ALDH4A1: variants seen among roughly 807,000 people sequenced by gnomAD.
ALDH4A1 encodes the protein aldehyde dehydrogenase 4 family member A1.
A neutral mutation model predicts 70.5 loss-of-function variants in ALDH4A1; 46 were observed. The ratio of observed to expected loss-of-function variants is 0.65; its 90% CI spans 0.51 to 0.83. ALDH4A1 has a LOEUF of 0.83. Among genes scored for constraint, ALDH4A1 ranks in the 40% least tolerant of loss-of-function variants. ALDH4A1 has a pLI of 0.00. For missense variants in ALDH4A1, 749 were observed against 766.5 expected, an observed-to-expected ratio of 0.98 and a Z score of 0.27; for synonymous variants, 323 against 324.3, an observed-to-expected ratio of 1.00 and a Z score of 0.04.
rs116013831 is a variant in ALDH4A1, at chr1:18,896,402, T to A, written c.62+6060A>T. On this transcript the variant is annotated intron_variant, in intron 1 of 14. Transcript: ENST00000375341. ...GGGGCTGGACACTGGCCCCTTGGGT[T>A]CCCCAGTGGCTAAGGTGAGGGGTGG... Among the ~76,000 whole-genome samples, 554 of 152,322 alleles carry A rather than the reference T, an allele frequency of 3.6e-3. 2 individuals carry two copies. Among genetic ancestry groups the A allele is most frequent in the Admixed American group, 6.5e-3 (100 of 15,308 alleles).
chr1:18,902,115 C>T (rs891436040), intron 1 of ALDH4A1, among the ~76,000 whole-genome samples: 3 of 152,076 alleles, frequency 2.0e-5, no homozygotes, highest in African/African-American at 7.2e-5. Flanking sequence ...GGGAAGCCAG[C>T]AAATTGCGAA....
intron 5 of ALDH4A1, among the ~76,000 whole-genome samples, chr1:18,885,080 C>A (rs1935139000): frequency 6.6e-6 from 1 of 152,022 alleles, no homozygotes; most frequent in Non-Finnish European, 1.5e-5. Flanking sequence ...GTGGAGAGGT[C>A]TGGGTGGGTC....
intron 13 of ALDH4A1, 67 bp from the exon 14 acceptor site, chr1:18,874,648 A>T: frequency 6.7e-7 from 1 of 1,488,544 alleles, no homozygotes; most frequent in Non-Finnish European, 9.4e-7. Context: ...CTCCAGCCTC[A>T]ACACCCCTGC....
intron 13 of ALDH4A1, 71 bp from the exon 14 acceptor site, chr1:18,874,652 C>G (rs28758607): frequency 0.027 from 39,256 of 1,461,974 alleles, 1,362 homozygotes; most frequent in African/African-American, 0.16. Flanking sequence ...AGCCTCAACA[C>G]CCCTGCTCCA....
At chr1:18,899,537 G>GA (rs544006851) in intron 1 of ALDH4A1, among the ~76,000 whole-genome samples, 1 of 151,938 alleles carries the variant, frequency 6.6e-6, no homozygotes, top group Non-Finnish European at 1.5e-5. Context: ...AGTTGATTGA[G>GA]AAAAAAACAG....
chr1:18,886,376 C>T, intron 4 of ALDH4A1, 88 bp downstream of exon 4: 1 of 1,470,944 alleles, frequency 6.8e-7, no homozygotes, highest in East Asian at 2.3e-5. Flanking sequence ...CAACTGATGC[C>T]CCCTGCCCCC....
intron 1 of ALDH4A1, among the ~76,000 whole-genome samples, chr1:18,894,770 C>G (rs911512856): frequency 1.3e-5 from 2 of 151,824 alleles, no homozygotes; most frequent in Non-Finnish European, 2.9e-5. Context: ...GCCTGGAGAA[C>G]AGACACTAGT....
chr1:18,875,465 C>A lies in ALDH4A1; in HGVS notation c.1377G>T (p.Pro459=), dbSNP rs146222625. 1.9e-6 allele frequency: 3 copies of A among 1,614,016 alleles called. No individual in the cohort carries two copies. In the African/African-American group the frequency reaches 4.0e-5, roughly 22 times the overall value. ...GCAGCGTCTCCTTGTACTTGTCATC[C>A]GGGTAGACGTACACAGACAGTACAG... ...FGPVLSVYVY[P]DDKYKETLQL... The change falls in exon 13 of 15, where the codon CCG becomes CCT. Residue 459 remains proline, a synonymous_variant. Coordinates refer to ENST00000375341, the MANE Select transcript of ALDH4A1 (RefSeq NM_003748.4).
chr1:18,885,427 T>TACCACCCCCCCCCCCCCCCCCCC, intron 5 of ALDH4A1, 46 bp downstream of exon 5: 2 of 650,922 alleles, frequency 3.1e-6, no homozygotes. Context: ...CACACCTGAC[T>TACCACCCCCCCCCCCCCCCCCCC]CCCACCCCAC....
chr1:18,902,552 G>C lies in ALDH4A1; in HGVS notation c.-29C>G. The C allele has an allele frequency of 6.8e-7, 1 of 1,472,920 alleles. No individual in the cohort carries two copies. Among genetic ancestry groups the C allele is most frequent in the Non-Finnish European group, 9.0e-7 (1 of 1,110,602 alleles). The allele number at this position is 1,472,920 out of a possible 1,614,324, so 91.2% of individuals were successfully genotyped here. On this transcript the variant is annotated 5_prime_UTR_variant, in exon 1 of 15. In the 5' UTR this introduces an upstream ATG that the reference lacks. Coordinates refer to ENST00000375341, the MANE Select transcript of ALDH4A1 (RefSeq NM_003748.4). ...GGGTTAGAAGCGGGGCTGTTCGCTG[G>C]ATCGTCCGCCCGGGCGCGGCGAGAA...
At position 18,892,153 on chromosome 1, in the gene ALDH4A1, G is replaced by A. The variant is rs556327926; in HGVS notation, c.63-2048C>T. On this transcript the variant is annotated intron_variant, in intron 1 of 14. Coordinates refer to ENST00000375341, the MANE Select transcript of ALDH4A1 (RefSeq NM_003748.4). ...TGCCCTATGGGAGACAGACTGGCCC[G>A]GCTATGAGTGTCGGGGGCCAGAAGG... Among the ~76,000 whole-genome samples, 14 of 152,244 alleles carry A rather than the reference G, an allele frequency of 9.2e-5. No individual in the cohort carries two copies. The South Asian group carries it at 1.5e-3, about 16-fold the overall frequency.
At chr1:18,892,172 CAGA>C (rs1935459892) in intron 1 of ALDH4A1, among the ~76,000 whole-genome samples, 1 of 152,104 alleles carries the variant, frequency 6.6e-6, no homozygotes, top group Admixed American at 6.6e-5. Flanking sequence ...TGTCGGGGGC[CAGA>C]AGGAGTCTGG....
rs768982802 is a variant in ALDH4A1 at position 18,881,829 on chromosome 1, TAG to T, written c.735_736del (p.Tyr246ProfsTer19). The T allele has an allele frequency of 2.5e-6, 4 of 1,613,758 alleles. No homozygotes were observed. In the African/African-American group the frequency reaches 5.3e-5, roughly 22 times the overall value. On this transcript the variant is annotated frameshift_variant, in exon 8 of 15. Coordinates refer to ENST00000375341, the MANE Select transcript of ALDH4A1 (RefSeq NM_003748.4). LOFTEE classifies it high-confidence loss of function. ...CAGGCCAGCCTCCCGAAGGATGCGG[TAG>T]ACAGCATAGCTGGCCAGCATGGCAG...
Position 18,875,508 on chromosome 1 carries a change from G to T in ALDH4A1, c.1339-5C>A. 1 of 1,614,070 alleles carries T rather than the reference G, an allele frequency of 6.2e-7. No individual in the cohort carries two copies. Among genetic ancestry groups the T allele is most frequent in the Non-Finnish European group, 8.5e-7 (1 of 1,179,984 alleles). On this transcript the variant is annotated splice_polypyrimidine_tract_variant and splice_region_variant and intron_variant, in intron 12 of 14. Coordinates refer to ENST00000375341, the MANE Select transcript of ALDH4A1 (RefSeq NM_003748.4). The stretch of plus-strand genomic sequence containing the variant: ...CAGTACAGGCCCGAAGATCTCCTAG[G>T]AGAGAGGCCCCGGCGTCAGACCCTC...
intron 1 of ALDH4A1, among the ~76,000 whole-genome samples, chr1:18,900,669 C>T (rs980607833): frequency 6.6e-6 from 1 of 152,198 alleles, no homozygotes; most frequent in African/African-American, 2.4e-5. Context: ...GAAATCCTGT[C>T]TAGGGCATGC....
At chr1:18,877,736 G>C in intron 9 of ALDH4A1, 124 bp from the exon 10 acceptor site, 2 of 1,205,190 alleles carry the variant, frequency 1.7e-6, no homozygotes, top group South Asian at 1.4e-5. Context: ...AGCCCAGAGC[G>C]GGCGGAGGCT....
Position 18,898,505 on chromosome 1 carries a change from G to A in ALDH4A1, c.62+3957C>T, listed in dbSNP as rs1357683516. 6.6e-6 allele frequency among the ~76,000 whole-genome samples: 1 copy of A among 152,240 alleles called. No individual in the cohort carries two copies. Among genetic ancestry groups the A allele is most frequent in the Non-Finnish European group, 1.5e-5 (1 of 68,040 alleles). On this transcript the variant is annotated intron_variant, in intron 1 of 14. Coordinates refer to ENST00000375341, the MANE Select transcript of ALDH4A1 (RefSeq NM_003748.4). The surrounding 1 kb of genome is among the most constrained non-coding windows in gnomAD (Gnocchi z 4.3). ...TGATCGAAGATGATCACTCCAGGAA[G>A]CCCATTGGTGGGAGAGGGGGATCAT... is the stretch of plus-strand genomic sequence containing the variant.
intron 3 of ALDH4A1, among the ~76,000 whole-genome samples, chr1:18,887,966 T>C (rs976378444): frequency 6.6e-6 from 1 of 152,210 alleles, no homozygotes; most frequent in Non-Finnish European, 1.5e-5. Flanking sequence ...GGGAGAAATT[T>C]CACTTCTTTC....
chr1:18,879,169 C>T (rs1011487917), intron 9 of ALDH4A1, 131 bp downstream of exon 9: 7 of 852,258 alleles, frequency 8.2e-6, no homozygotes, highest in Non-Finnish European at 1.3e-5. Context: ...TTCTACTGGG[C>T]AGTGCTGGTG....
Sources: gnomAD v4.1 joint callset for allele counts (sites outside exome capture counted in the v4.1 genomes callset) on GRCh38, gnomAD v4.1.1 for gene constraint, Gnocchi (gnomAD v3.1) non-coding constraint, MANE v1.5 for transcripts, NCBI Gene and HGNC (gene_info 2026-07-23, HGNC 2026-07-21) for gene names.